The following JMJD1C variants were observed in gnomAD, a reference collection of about 807,000 sequenced individuals.
The protein encoded by JMJD1C is jumonji domain-containing protein 1C.
JMJD1C carries 31 observed loss-of-function variants against 245.3 expected under a neutral mutation model. The observed-to-expected ratio is 0.13, with a 90% CI of 0.09 to 0.17. The LOEUF (loss-of-function observed/expected upper bound fraction) is 0.17. JMJD1C is among the 10% of genes least tolerant of loss of function. The probability of loss-of-function intolerance (pLI) is 1.00; values close to 1 mark genes in which losing one functional copy is unlikely to be tolerated. For synonymous variants in JMJD1C, 1,057 were observed against 1,017.4 expected (o/e 1.04, Z -0.74); for missense variants, 2,691 against 3,000.2 (o/e 0.90, Z 2.41).
intron 2 of JMJD1C, among the ~76,000 whole-genome samples, chr10:63,312,796 T>C (rs1939403823): frequency 6.6e-6 from 1 of 152,234 alleles, no homozygotes; most frequent in South Asian, 2.1e-4. Flanking sequence ...TATTTGTCTC[T>C]GATTACCTAA....
chr10:63,464,872 A>C (rs554650514), intron 1 of JMJD1C, among the ~76,000 whole-genome samples: 1 of 152,188 alleles, frequency 6.6e-6, no homozygotes, highest in African/African-American at 2.4e-5. Context: ...TCCATACCAA[A>C]ATTTTTCACT....
chr10:63,180,790 A>T (rs1843379604), intron 22 of JMJD1C, among the ~76,000 whole-genome samples: 1 of 142,110 alleles, frequency 7.0e-6, no homozygotes, highest in Admixed American at 7.1e-5. Flanking sequence ...TTTTTTTGAG[A>T]CGGAGTCTCG....
chr10:63,486,562 T>C (rs950834174), intron 1 of JMJD1C, among the ~76,000 whole-genome samples: 3 of 152,126 alleles, frequency 2.0e-5, no homozygotes, highest in Non-Finnish European at 4.4e-5. Context: ...CCTCTAATGG[T>C]ACCTTACTAT....
At chr10:63,254,028 C>G (rs1853489211) in intron 3 of JMJD1C, among the ~76,000 whole-genome samples, 1 of 152,054 alleles carries the variant, frequency 6.6e-6, no homozygotes, top group Non-Finnish European at 1.5e-5. Context: ...TGACTAAGGA[C>G]CAGTACTGTT....
chr10:63,297,945 G>T (rs574357837), intron 2 of JMJD1C, among the ~76,000 whole-genome samples: 2 of 152,304 alleles, frequency 1.3e-5, no homozygotes, highest in South Asian at 4.1e-4. Flanking sequence ...CTTTTTGGGG[G>T]CTCTGCAGAT....
intron 2 of JMJD1C, among the ~76,000 whole-genome samples, chr10:63,303,965 T>C (rs1192946200): frequency 6.6e-6 from 1 of 152,148 alleles, no homozygotes; most frequent in Non-Finnish European, 1.5e-5. Context: ...AGTAAGGATA[T>C]CCCTGAGAAG....
chr10:63,321,493 G>A (rs1490418053), intron 2 of JMJD1C, among the ~76,000 whole-genome samples: 3 of 152,174 alleles, frequency 2.0e-5, no homozygotes, highest in Non-Finnish European at 4.4e-5. Context: ...CATGTCTGCT[G>A]GAGATCTGCT....
chr10:63,220,674 C>T (rs1050305666), intron 3 of JMJD1C, among the ~76,000 whole-genome samples: 1 of 152,138 alleles, frequency 6.6e-6, no homozygotes, highest in Non-Finnish European at 1.5e-5. Flanking sequence ...GCTGGTCTCC[C>T]ACTGGACTCT....
chr10:63,496,377 G>C (rs566944836), intron 1 of JMJD1C, among the ~76,000 whole-genome samples: 27 of 152,200 alleles, frequency 1.8e-4, no homozygotes, highest in African/African-American at 6.3e-4. Context: ...AAAAAAATAA[G>C]ATAATTGGGG....
intron 10 of JMJD1C, chr10:63,203,214 G>A (rs1000808613): frequency 1.5e-5 from 15 of 984,214 alleles, no homozygotes; most frequent in Non-Finnish European, 1.8e-5. Context: ...GAATTTAACT[G>A]TCATAGTATT....
At chr10:63,257,121 C>T (rs1241183655) in intron 3 of JMJD1C, among the ~76,000 whole-genome samples, 1 of 150,824 alleles carries the variant, frequency 6.6e-6, no homozygotes, top group Non-Finnish European at 1.5e-5. Context: ...CCTGTAGTCC[C>T]AGCTACTGAG....
chr10:63,401,632 T>C (rs894020859), intron 1 of JMJD1C, among the ~76,000 whole-genome samples: 4 of 152,190 alleles, frequency 2.6e-5, no homozygotes, highest in Non-Finnish European at 5.9e-5. Flanking sequence ...CTGATGAACA[T>C]ACCACCACGT....
chr10:63,203,264 A>G (rs1846229194), intron 10 of JMJD1C: 1 of 977,202 alleles, frequency 1.0e-6, no homozygotes, highest in South Asian at 4.7e-5. Flanking sequence ...TTCCATATAT[A>G]TATAATTTAC....
At chr10:63,184,525 T>G in intron 21 of JMJD1C, 83 bp downstream of exon 21, 12 of 1,238,590 alleles carry the variant, frequency 9.7e-6, no homozygotes, top group Non-Finnish European at 1.2e-5. Context: ...ATTGCAGGCG[T>G]GAGCCACTAT....
At chr10:63,491,917 A>G (rs958989131) in intron 1 of JMJD1C, among the ~76,000 whole-genome samples, 3 of 152,274 alleles carry the variant, frequency 2.0e-5, no homozygotes, top group African/African-American at 7.2e-5. Context: ...TTGTCAGCAC[A>G]AAACAGAATT....
At chr10:63,480,333 T>G (rs1299432135) in intron 1 of JMJD1C, among the ~76,000 whole-genome samples, 1 of 151,924 alleles carries the variant, frequency 6.6e-6, no homozygotes, top group East Asian at 1.9e-4. Context: ...ATTTTTTTTT[T>G]TTTTTGAGGC....
chr10:63,468,783 A>AT (rs1485333669), upstream of JMJD1C, among the ~76,000 whole-genome samples: 1 of 152,116 alleles, frequency 6.6e-6, no homozygotes, highest in Admixed American at 6.5e-5. Context: ...AGATTATTTG[A>AT]TTTTTTCCCT....
chr10:63,364,344 C>G lies in JMJD1C; in HGVS notation c.333+15974G>C, dbSNP rs375758947. 8.1e-4 allele frequency among the ~76,000 whole-genome samples: 124 copies of G among 152,312 alleles called. 2 individuals are homozygous for G. The highest frequency in any genetic ancestry group is 2.8e-3 in the African/African-American group (118 of 41,568). ...GAGATTACAGGCGTGAAGCCTGGCC[C>G]AGTTTTCTTTAATCCTGTTAAATTG... On this transcript the variant is annotated intron_variant, in intron 2 of 25. Coordinates refer to ENST00000399262, the MANE Select transcript of JMJD1C (RefSeq NM_032776.3).
chr10:63,191,685 T>C (rs1192782565), intron 16 of JMJD1C, among the ~76,000 whole-genome samples: 3 of 151,738 alleles, frequency 2.0e-5, no homozygotes, highest in Non-Finnish European at 4.4e-5. Context: ...CAAAGACAGG[T>C]AGAAAATACA....
Sources: gnomAD v4.1 joint callset for allele counts (sites outside exome capture counted in the v4.1 genomes callset) on GRCh38, gnomAD v4.1.1 for gene constraint, MANE v1.5 for transcripts, NCBI Gene and HGNC (gene_info 2026-07-23, HGNC 2026-07-21) for gene names.